The following PCCA variants were observed in gnomAD, a reference collection of about 807,000 sequenced individuals.
The protein encoded by PCCA is propionyl-CoA carboxylase subunit alpha.
PCCA carries 74 observed loss-of-function variants against 101.3 expected under a neutral mutation model. The observed-to-expected ratio is 0.73, with a 90% CI of 0.61 to 0.89. The LOEUF is 0.89. Among genes scored for constraint, PCCA ranks in the 40% least tolerant of loss-of-function variants. PCCA has a pLI of 0.00. For synonymous variants in PCCA, 294 were observed against 313.6 expected (o/e 0.94, Z 0.66); for missense variants, 891 against 907.0 (o/e 0.98, Z 0.23).
chr13:100,521,106 T>G (rs577007956), intron 22 of PCCA, among the ~76,000 whole-genome samples: 85 of 152,382 alleles, frequency 5.6e-4, no homozygotes, highest in African/African-American at 1.8e-3. Context: ...TCTTTGTAAC[T>G]GCAGGCTTTG....
At chr13:100,195,295 A>G (rs1250936440) in intron 6 of PCCA, among the ~76,000 whole-genome samples, 1 of 152,162 alleles carries the variant, frequency 6.6e-6, no homozygotes, top group Non-Finnish European at 1.5e-5. Flanking sequence ...TAAAAGAAAA[A>G]CTAAAATTTG....
At chr13:100,393,878 T>C (rs1291546757) in intron 19 of PCCA, among the ~76,000 whole-genome samples, 3 of 152,180 alleles carry the variant, frequency 2.0e-5, no homozygotes, top group African/African-American at 7.2e-5. Context: ...TTGTTTTTGT[T>C]TTGAGATCAG....
chr13:100,281,269 G>A (rs574901810), intron 12 of PCCA, among the ~76,000 whole-genome samples: 3 of 152,282 alleles, frequency 2.0e-5, no homozygotes, highest in East Asian at 1.9e-4. Flanking sequence ...TGAATCTTCC[G>A]TCGGTGGCAT....
intron 17 of PCCA, among the ~76,000 whole-genome samples, chr13:100,330,900 CTA>C (rs1451881993): frequency 1.3e-5 from 2 of 152,104 alleles, no homozygotes; most frequent in Admixed American, 1.3e-4. Context: ...GTGAATTGTT[CTA>C]TGAGTCCAGT....
intron 21 of PCCA, among the ~76,000 whole-genome samples, chr13:100,510,537 G>C (rs1473806472): frequency 6.6e-6 from 1 of 152,224 alleles, no homozygotes; most frequent in Non-Finnish European, 1.5e-5. Flanking sequence ...AGTGCTGTCT[G>C]AGCTGGGAGA....
chr13:100,130,863 T>G (rs1326892026), intron 4 of PCCA, among the ~76,000 whole-genome samples: 1 of 152,212 alleles, frequency 6.6e-6, no homozygotes, highest in East Asian at 1.9e-4. Flanking sequence ...GGTTTCAAAA[T>G]TACACAACCT....
chr13:100,187,729 G>C (rs2057405208), intron 6 of PCCA, among the ~76,000 whole-genome samples: 1 of 152,028 alleles, frequency 6.6e-6, no homozygotes, highest in African/African-American at 2.4e-5. Flanking sequence ...CGTTACATAG[G>C]TAAATGTGTG....
chr13:100,320,489 G>A (rs2067904245), intron 16 of PCCA, among the ~76,000 whole-genome samples: 1 of 152,172 alleles, frequency 6.6e-6, no homozygotes, highest in African/African-American at 2.4e-5. Context: ...ATTATTTTGA[G>A]ATACGTCCCA....
chr13:100,519,086 AGT>A (rs1192699695), intron 22 of PCCA, among the ~76,000 whole-genome samples: 1 of 152,224 alleles, frequency 6.6e-6, no homozygotes, highest in African/African-American at 2.4e-5. Context: ...CCCATAAGAT[AGT>A]CACCCAAGGA....
intron 20 of PCCA, among the ~76,000 whole-genome samples, chr13:100,436,740 G>A (rs867947623): frequency 2.6e-5 from 4 of 152,046 alleles, no homozygotes; most frequent in Admixed American, 6.6e-5. Context: ...CTGACTTCTC[G>A]GCGCATATAA....
chr13:100,271,002 T>C (rs2063275677), intron 11 of PCCA, among the ~76,000 whole-genome samples: 1 of 152,004 alleles, frequency 6.6e-6, no homozygotes, highest in Non-Finnish European at 1.5e-5. Context: ...AGCAAGACCC[T>C]GTTCTCCCCC....
chr13:100,305,393 A>G (rs2066369022), intron 14 of PCCA, among the ~76,000 whole-genome samples: 1 of 152,186 alleles, frequency 6.6e-6, no homozygotes, highest in African/African-American at 2.4e-5. Context: ...AGAACATAAT[A>G]AATATTCTTT....
chr13:100,450,738 A>G (rs567321049), intron 21 of PCCA, among the ~76,000 whole-genome samples: 226 of 152,344 alleles, frequency 1.5e-3, no homozygotes, highest in Admixed American at 3.9e-3. Flanking sequence ...TATATAATTT[A>G]TGTATATAAA....
At chr13:100,326,031 A>G (rs1167291379) in intron 16 of PCCA, among the ~76,000 whole-genome samples, 1 of 152,182 alleles carries the variant, frequency 6.6e-6, no homozygotes, top group East Asian at 1.9e-4. Flanking sequence ...GACACTGTGG[A>G]AGAGAAAAAG....
chr13:100,343,594 T>A (rs1474285797), intron 18 of PCCA, among the ~76,000 whole-genome samples: 1 of 152,178 alleles, frequency 6.6e-6, no homozygotes, highest in Non-Finnish European at 1.5e-5. Context: ...AAAAGAAAGA[T>A]CAGTGGTTGT....
chr13:100,420,886 A>T (rs1347274916), intron 19 of PCCA, among the ~76,000 whole-genome samples: 1 of 152,190 alleles, frequency 6.6e-6, no homozygotes, highest in Non-Finnish European at 1.5e-5. Context: ...TTGTAATGAC[A>T]GAGAAAATGA....
intron 20 of PCCA, among the ~76,000 whole-genome samples, chr13:100,448,901 T>G (rs2081029658): frequency 6.6e-6 from 1 of 152,214 alleles, no homozygotes; most frequent in African/African-American, 2.4e-5. Context: ...TAGACCATGT[T>G]TATACCCTTG....
chr13:100,479,166 C>T (rs571854491), intron 21 of PCCA, among the ~76,000 whole-genome samples: 2 of 152,258 alleles, frequency 1.3e-5, no homozygotes, highest in African/African-American at 4.8e-5. Context: ...TTATCCATTC[C>T]TCAAATCCCA....
intron 21 of PCCA, among the ~76,000 whole-genome samples, chr13:100,492,635 A>C (rs1177260203): frequency 6.6e-6 from 1 of 151,472 alleles, no homozygotes; most frequent in Non-Finnish European, 1.5e-5. Flanking sequence ...CGGAGCCCTA[A>C]ATGGGAACAG....
Sources: allele counts gnomAD v4.1 joint callset (sites outside exome capture counted in the v4.1 genomes callset), GRCh38; gene constraint gnomAD v4.1.1; transcripts MANE v1.5; gene names NCBI Gene and HGNC (gene_info 2026-07-23, HGNC 2026-07-21).